Variants in ZBTB20 observed in about 807,000 individuals in gnomAD.
ZBTB20 encodes zinc finger and BTB domain containing 20.
ZBTB20 carries 9 observed loss-of-function variants against 56.9 expected under a neutral mutation model. The ratio of observed to expected loss-of-function variants is 0.16; its 90% CI spans 0.10 to 0.28. The LOEUF (loss-of-function observed/expected upper bound fraction) is 0.28, where lower values mean the gene tolerates loss of function less well. ZBTB20 is among the 10% of genes least tolerant of loss of function. The pLI is 1.00. For synonymous variants in ZBTB20, 417 were observed against 420.7 expected (o/e 0.99, Z 0.11); for missense variants, 655 against 1,003.0 (o/e 0.65, Z 4.69).
chr3:114,971,662 G>T (rs1250790435), intron 3 of ZBTB20, among the ~76,000 whole-genome samples: 1 of 152,174 alleles, frequency 6.6e-6, no homozygotes, highest in Admixed American at 6.5e-5. Context: ...TATTTAACTG[G>T]TGTATGAGAA....
chr3:114,736,417 G>A (rs192454880), intron 5 of ZBTB20, among the ~76,000 whole-genome samples: 106 of 152,018 alleles, frequency 7.0e-4, no homozygotes, highest in African/African-American at 2.5e-3. Flanking sequence ...CTTCCCTTCT[G>A]GAATGATGTT....
chr3:114,779,371 T>C (rs1361540859), intron 5 of ZBTB20, among the ~76,000 whole-genome samples: 1 of 152,180 alleles, frequency 6.6e-6, no homozygotes, highest in Non-Finnish European at 1.5e-5. Flanking sequence ...ATTTCTGAGT[T>C]CCTAGAGGGT....
intron 3 of ZBTB20, among the ~76,000 whole-genome samples, chr3:114,964,599 G>A (rs983001731): frequency 6.6e-6 from 1 of 152,148 alleles, no homozygotes; most frequent in African/African-American, 2.4e-5. Context: ...TGAACAGTAA[G>A]AGCAAAGGCA....
At chr3:114,428,356 C>T (rs558536809) in intron 7 of ZBTB20, among the ~76,000 whole-genome samples, 96 of 152,248 alleles carry the variant, frequency 6.3e-4, no homozygotes, top group Admixed American at 1.8e-3. Flanking sequence ...GTAAGGCTGA[C>T]GAAAGCAGAC....
At chr3:114,442,438 T>C (rs989586220) in intron 7 of ZBTB20, among the ~76,000 whole-genome samples, 1 of 152,144 alleles carries the variant, frequency 6.6e-6, no homozygotes, top group African/African-American at 2.4e-5. Flanking sequence ...TCCTGTTGAA[T>C]GCCATCAGGA....
intron 3 of ZBTB20, among the ~76,000 whole-genome samples, chr3:114,910,577 CT>C (rs2075494813): frequency 6.6e-6 from 1 of 151,798 alleles, no homozygotes; most frequent in East Asian, 1.9e-4. Context: ...GTAACAATAG[CT>C]ATTATTTATT....
At chr3:114,479,066 TG>T (rs5851929) in intron 7 of ZBTB20, among the ~76,000 whole-genome samples, 121,465 of 147,542 alleles carry the variant, frequency 0.82, 49,775 homozygotes, top group East Asian at 0.9. Flanking sequence ...GTTCCTCTAT[TG>T]GGGGGGGGCC....
At chr3:114,604,956 A>G (rs1413087437) in intron 6 of ZBTB20, among the ~76,000 whole-genome samples, 2 of 152,126 alleles carry the variant, frequency 1.3e-5, no homozygotes, top group Non-Finnish European at 2.9e-5. Context: ...ACATTTCTTG[A>G]GGAATTTTAA....
chr3:114,401,083 G>GACACACACACACACACACAC (rs201829025), intron 7 of ZBTB20, among the ~76,000 whole-genome samples: 1,656 of 133,054 alleles, frequency 0.012, 78 homozygotes, highest in African/African-American at 0.028. Flanking sequence ...CTACCTCCCA[G>GACACACACACACACACACAC]ACACACACAC....
chr3:114,918,107 C>G (rs1187476379), intron 3 of ZBTB20, among the ~76,000 whole-genome samples: 1 of 152,108 alleles, frequency 6.6e-6, no homozygotes, highest in Non-Finnish European at 1.5e-5. Context: ...AAGTCTTTTC[C>G]ACAAGCACAG....
intron 3 of ZBTB20, among the ~76,000 whole-genome samples, chr3:114,949,773 GA>G (rs1162829666): frequency 6.7e-6 from 1 of 149,424 alleles, no homozygotes; most frequent in South Asian, 2.1e-4. Context: ...TCTCAAAAAA[GA>G]AAAAAAAGAC....
intron 2 of ZBTB20, among the ~76,000 whole-genome samples, chr3:115,034,980 T>C (rs1174933870): frequency 1.3e-5 from 2 of 152,052 alleles, no homozygotes; most frequent in South Asian, 2.1e-4. Context: ...GTCTTTTCAA[T>C]AAATAGTGAT....
intron 5 of ZBTB20, among the ~76,000 whole-genome samples, chr3:114,766,027 T>A (rs1174337272): frequency 1.3e-5 from 2 of 152,182 alleles, no homozygotes; most frequent in African/African-American, 4.8e-5. Context: ...CTAATATGGA[T>A]GAAACGGTTA....
chr3:114,724,910 T>C (rs1024619190), intron 5 of ZBTB20, among the ~76,000 whole-genome samples: 12 of 152,246 alleles, frequency 7.9e-5, no homozygotes, highest in African/African-American at 2.9e-4. Context: ...AAATAAATTT[T>C]ATAAAATACA....
chr3:114,795,186 C>T (rs1281923766), intron 5 of ZBTB20, among the ~76,000 whole-genome samples: 1 of 152,068 alleles, frequency 6.6e-6, no homozygotes, highest in Non-Finnish European at 1.5e-5. Context: ...TCCAAGCTCT[C>T]CTCAAACTCA....
At chr3:114,751,992 A>G (rs1330933977) in intron 5 of ZBTB20, among the ~76,000 whole-genome samples, 1 of 152,208 alleles carries the variant, frequency 6.6e-6, no homozygotes, top group African/African-American at 2.4e-5. Flanking sequence ...AAAAATAACT[A>G]TAATAGTAGT....
intron 6 of ZBTB20, among the ~76,000 whole-genome samples, chr3:114,672,345 T>G (rs1283422216): frequency 1.3e-5 from 2 of 152,116 alleles, no homozygotes; most frequent in African/African-American, 4.8e-5. Flanking sequence ...CAGCTTTTAT[T>G]TTGGTGGCAG....
At chr3:114,844,539 A>AAAAAAC (rs2074578576) in intron 4 of ZBTB20, among the ~76,000 whole-genome samples, 3 of 142,098 alleles carry the variant, frequency 2.1e-5, no homozygotes, top group Admixed American at 7.0e-5. Flanking sequence ...AAAAAAAAAA[A>AAAAAAC]AAAAAAAAAA....
intron 3 of ZBTB20, among the ~76,000 whole-genome samples, chr3:114,944,414 C>T (rs940878222): frequency 6.9e-6 from 1 of 145,288 alleles, no homozygotes; most frequent in Non-Finnish European, 1.5e-5. Flanking sequence ...TTATGAAAAA[C>T]AATATGAAGA....
Sources: allele counts gnomAD v4.1 joint callset (sites outside exome capture counted in the v4.1 genomes callset), GRCh38; gene constraint gnomAD v4.1.1; transcripts MANE v1.5; gene names NCBI Gene and HGNC (gene_info 2026-07-23, HGNC 2026-07-21).